Variants in ANK3 observed in about 807,000 individuals in gnomAD.
ANK3 encodes the protein ankyrin 3.
Under a neutral mutation model 370.9 loss-of-function variants are expected in ANK3, and 57 were observed. The observed-to-expected ratio is 0.15, with a 90% CI of 0.12 to 0.19. The LOEUF (loss-of-function observed/expected upper bound fraction) is 0.19. Ranked by LOEUF, ANK3 falls within the 10% of genes least tolerant of loss-of-function variation. The pLI is 1.00. For synonymous variants in ANK3, 1,929 were observed against 1,946.3 expected (o/e 0.99, Z 0.23); for missense variants, 4,439 against 5,302.1 (o/e 0.84, Z 5.06).
chr10:60,147,166 G>A (rs905530715), intron 23 of ANK3, among the ~76,000 whole-genome samples: 3 of 152,132 alleles, frequency 2.0e-5, no homozygotes, highest in Non-Finnish European at 2.9e-5. Context: ...GCTTCAGGAG[G>A]TTCCTGCATG....
In ANK3 at chr10:60,697,742, T is replaced by C. The variant is rs1003811927; in HGVS notation, c.57+35521A>G. Among the ~76,000 whole-genome samples the C allele has an allele frequency of 3.2e-3, 485 of 151,876 alleles. 1 individual carries two copies. Among genetic ancestry groups the C allele is most frequent in the African/African-American group, 0.011 (454 of 41,218 alleles). On this transcript the variant is annotated intron_variant, in intron 1 of 43. Transcript: ENST00000373827. ...CTGGATCCCTTCCTTACACCTTATA[T>C]AAAAATCAATTCAAGATGGATTAAA...
intron 2 of ANK3, among the ~76,000 whole-genome samples, chr10:60,445,861 T>C (rs900371369): frequency 5.3e-5 from 8 of 152,176 alleles, no homozygotes; most frequent in African/African-American, 1.4e-4. Context: ...ACAATGAAAG[T>C]AGACAAAGGC....
chr10:60,630,928 A>C (rs2078474755), intron 1 of ANK3, among the ~76,000 whole-genome samples: 1 of 152,156 alleles, frequency 6.6e-6, no homozygotes, highest in Non-Finnish European at 1.5e-5. Context: ...TGTGCCAAGG[A>C]CGTGGCACTG....
At chr10:60,112,544 A>C (rs2092791052) in intron 26 of ANK3, among the ~76,000 whole-genome samples, 1 of 152,212 alleles carries the variant, frequency 6.6e-6, no homozygotes, top group Admixed American at 6.5e-5. Flanking sequence ...AATTATTCCC[A>C]TTTGAACGAT....
intron 21 of ANK3, among the ~76,000 whole-genome samples, chr10:60,167,745 T>G (rs893538011): frequency 1.3e-5 from 2 of 151,796 alleles, no homozygotes; most frequent in Non-Finnish European, 2.9e-5. Flanking sequence ...ATGAGACAAC[T>G]GAAAAAAAGC....
chr10:60,510,014 G>A (rs2076040134), intron 2 of ANK3, among the ~76,000 whole-genome samples: 1 of 151,944 alleles, frequency 6.6e-6, no homozygotes. Context: ...GCTGTCTTCA[G>A]ACATTATATG....
At chr10:60,059,594 T>G in intron 40 of ANK3, 164 bp from the exon 41 acceptor site, 2 of 1,357,456 alleles carry the variant, frequency 1.5e-6, no homozygotes, top group Admixed American at 3.8e-5. Context: ...GACCAGATTT[T>G]CCTTTCTCCT....
At chr10:60,391,363 G>T (rs2063088309), upstream of ANK3, among the ~76,000 whole-genome samples, 1 of 152,214 alleles carries the variant, frequency 6.6e-6, no homozygotes, top group Non-Finnish European at 1.5e-5. Context: ...AAAAATGAAG[G>T]TGGGGGATTA....
At position 60,071,519 on chromosome 10, in the gene ANK3, T is replaced by C. The variant is rs760048880; in HGVS notation, c.9362A>G (p.Glu3121Gly). 6.2e-7 allele frequency: 1 copy of C among 1,613,980 alleles called. No homozygotes were observed. Among genetic ancestry groups the C allele is most frequent in the African/African-American group, 1.3e-5 (1 of 74,912 alleles). ...CCTGGTTTCTTGTACTGTCTTACAT[T>C]CCTGACTTATGATTTTTTTTACACC... ...QGGVKKIISQ[E>G]CKTVQETRGT... The change falls in exon 37 of 44, where the codon GAA (glutamate) becomes GGA (glycine). Residue 3121 changes from glutamate to glycine, a missense_variant. Transcript: ENST00000280772.
intron 2 of ANK3, among the ~76,000 whole-genome samples, chr10:60,550,005 C>T (rs1201930938): frequency 6.6e-6 from 1 of 152,014 alleles, no homozygotes; most frequent in East Asian, 1.9e-4. Context: ...ATTTACCGTG[C>T]TTCCATAAGG....
upstream of ANK3, among the ~76,000 whole-genome samples, chr10:60,390,747 C>CAT (rs2063029376): frequency 1.1e-5 from 1 of 94,370 alleles, no homozygotes; most frequent in African/African-American, 3.6e-5. Context: ...CACACACACA[C>CAT]ACACACACAC....
chr10:60,191,154 C>A (rs972201974), intron 16 of ANK3, among the ~76,000 whole-genome samples: 1 of 152,058 alleles, frequency 6.6e-6, no homozygotes, highest in Non-Finnish European at 1.5e-5. Context: ...ATAAGAAAAA[C>A]TCTTTTGGGC....
At position 60,358,966 on chromosome 10, in the gene ANK3, C is replaced by T. The variant is rs12358188; in HGVS notation, c.114+30459G>A. 8.6e-3 allele frequency among the ~76,000 whole-genome samples: 1,307 copies of T among 152,182 alleles called. 10 individuals are homozygous for T. The highest frequency in any genetic ancestry group is 0.014 in the East Asian group (73 of 5,188). On this transcript the variant is annotated intron_variant, in intron 1 of 43. Transcript: ENST00000280772. ...GCAACTCTTTCTAGTTACTACCTAC[C>T]CACCTTAGCCGAGTGTACCTTCTTC...
At chr10:60,109,913 T>G (rs2092563538) in intron 26 of ANK3, among the ~76,000 whole-genome samples, 1 of 152,224 alleles carries the variant, frequency 6.6e-6, no homozygotes, top group Non-Finnish European at 1.5e-5. Context: ...CACAGAGTTA[T>G]AACACAGTTA....
At chr10:60,731,667 T>C (rs1264463197) in intron 1 of ANK3, among the ~76,000 whole-genome samples, 1 of 152,224 alleles carries the variant, frequency 6.6e-6, no homozygotes, top group African/African-American at 2.4e-5. Flanking sequence ...TACAGAAATT[T>C]GCTTCCTTAA....
chr10:60,162,520 C>T (rs1355721558), intron 23 of ANK3, among the ~76,000 whole-genome samples: 1 of 152,154 alleles, frequency 6.6e-6, no homozygotes, highest in Non-Finnish European at 1.5e-5. Flanking sequence ...CCACTGGCCA[C>T]CAAATTTGGC....
intron 23 of ANK3, among the ~76,000 whole-genome samples, chr10:60,141,561 GTTTTTTTTTTTTTT>G (rs36033791): frequency 8.2e-5 from 4 of 49,044 alleles, no homozygotes; most frequent in South Asian, 1.9e-3. Flanking sequence ...TTCAATTGCT[GTTTTTTTTTTTTTT>G]TTTTTTTTTT....
intron 17 of ANK3, among the ~76,000 whole-genome samples, chr10:60,183,473 TA>T (rs1357282190): frequency 6.6e-6 from 1 of 152,206 alleles, no homozygotes; most frequent in Non-Finnish European, 1.5e-5. Flanking sequence ...CAAAAGATTT[TA>T]AAAAACAATA....
chr10:60,088,384 C>T (rs938691859), intron 28 of ANK3, 26 bp from the exon 29 acceptor site: 11 of 1,592,302 alleles, frequency 6.9e-6, no homozygotes, highest in South Asian at 1.1e-5. Context: ...AAAGAAAATG[C>T]CATGAGAATA....
Sources: allele counts gnomAD v4.1 joint callset (sites outside exome capture counted in the v4.1 genomes callset), GRCh38; gene constraint gnomAD v4.1.1; transcripts MANE v1.5; gene names NCBI Gene and HGNC (gene_info 2026-07-23, HGNC 2026-07-21).